SMYD3: variants seen among roughly 807,000 people sequenced by gnomAD.
SMYD3 encodes the protein SET and MYND domain containing 3, also known as histone-lysine N-methyltransferase SMYD3.
Under a neutral mutation model 57.7 loss-of-function variants are expected in SMYD3, and 36 were observed. The ratio of observed to expected loss-of-function variants is 0.62; its 90% CI spans 0.48 to 0.82. SMYD3 has a LOEUF of 0.82. Among genes scored for constraint, SMYD3 ranks in the 40% least tolerant of loss-of-function variants. The pLI is 0.00. For missense variants in SMYD3, 515 were observed against 538.8 expected, an observed-to-expected ratio of 0.96 and a Z score of 0.44; for synonymous variants, 211 against 195.0, an observed-to-expected ratio of 1.08 and a Z score of -0.68.
At chr1:245,969,715 G>C (rs769336940) in intron 5 of SMYD3, among the ~76,000 whole-genome samples, 2 of 152,124 alleles carry the variant, frequency 1.3e-5, no homozygotes, top group Non-Finnish European at 2.9e-5. Context: ...GCATTCCTTC[G>C]TGTTGTTTTG....
intron 5 of SMYD3, among the ~76,000 whole-genome samples, chr1:246,173,038 T>C (rs1406623044): frequency 2.0e-5 from 3 of 150,040 alleles, no homozygotes; most frequent in East Asian, 2.0e-4. Context: ...CTGTAGACTT[T>C]ATCAACACCG....
intron 5 of SMYD3, among the ~76,000 whole-genome samples, chr1:246,239,410 C>G (rs1331021632): frequency 6.6e-6 from 1 of 152,098 alleles, no homozygotes; most frequent in Non-Finnish European, 1.5e-5. Flanking sequence ...ATCCATGTCC[C>G]TACAAAGGAC....
chr1:246,271,763 C>A (rs964641567), intron 5 of SMYD3, among the ~76,000 whole-genome samples: 1 of 152,108 alleles, frequency 6.6e-6, no homozygotes, highest in Non-Finnish European at 1.5e-5. Flanking sequence ...TTCAAGATAA[C>A]TTTAGCTATT....
In SMYD3 at chr1:246,344,866, C is replaced by G. The variant is rs115364473; in HGVS notation, c.229-9392G>C. Reference sequence around the variant, plus strand: ...TTTAATGTATATCTTCTTAAAGTATCTATTCAAATCTTTTACCTGTTTTAC... The same window carrying G: ...TTTAATGTATATCTTCTTAAAGTATGTATTCAAATCTTTTACCTGTTTTAC... On this transcript the variant is annotated intron_variant, in intron 2 of 11. Transcript: ENST00000490107. Among the ~76,000 whole-genome samples the G allele has an allele frequency of 5.8e-3, 882 of 152,196 alleles. 12 individuals are homozygous for G. The highest frequency in any genetic ancestry group is 0.02 in the African/African-American group (820 of 41,530).
chr1:246,475,717 C>CA (rs1039576500), intron 1 of SMYD3, among the ~76,000 whole-genome samples: 16 of 152,010 alleles, frequency 1.1e-4, no homozygotes, highest in Non-Finnish European at 2.1e-4. Flanking sequence ...TAGGCTCAAG[C>CA]AATCCTCCCG....
At chr1:246,337,357 A>C (rs2065558915) in intron 2 of SMYD3, among the ~76,000 whole-genome samples, 1 of 152,234 alleles carries the variant, frequency 6.6e-6, no homozygotes. Context: ...CACCCTTTAG[A>C]GAGTTAGGTT....
At chr1:246,481,039 A>C (rs553266241) in intron 1 of SMYD3, among the ~76,000 whole-genome samples, 21 of 152,240 alleles carry the variant, frequency 1.4e-4, no homozygotes, top group African/African-American at 5.1e-4. Flanking sequence ...GCCTCAAGTG[A>C]TCCGTCCACC....
chr1:246,414,704 G>A (rs2067030808), intron 1 of SMYD3, among the ~76,000 whole-genome samples: 1 of 140,240 alleles, frequency 7.1e-6, no homozygotes, highest in Admixed American at 7.8e-5. Context: ...AGCCAGTTTT[G>A]GTTTTTTTGC....
At chr1:246,231,475 A>G in intron 5 of SMYD3, among the ~76,000 whole-genome samples, 1 of 152,236 alleles carries the variant, frequency 6.6e-6, no homozygotes, top group Admixed American at 6.5e-5. Flanking sequence ...CAGTATTCAG[A>G]AAAGTTTCTA....
In SMYD3 at chr1:245,891,927, C is replaced by T. The variant is rs543869179; in HGVS notation, c.813+23603G>A. Among the ~76,000 whole-genome samples, 193 of 152,220 alleles carry T rather than the reference C, an allele frequency of 1.3e-3. 1 individual carries two copies. The highest frequency in any genetic ancestry group is 4.2e-3 in the African/African-American group (176 of 41,526). On this transcript the variant is annotated intron_variant, in intron 8 of 11. Coordinates refer to ENST00000490107, the MANE Select transcript of SMYD3 (RefSeq NM_001167740.2). ...AGGGCATGGTGGCACACGCCTGTAG[C>T]CCCAGCTACTGAGGAGGCTGACATG...
At position 245,920,871 on chromosome 1, in the gene SMYD3, G is replaced by A. The variant is rs528339309; in HGVS notation, c.703-5231C>T. On this transcript the variant is annotated intron_variant, in intron 7 of 11. Coordinates refer to ENST00000490107, the MANE Select transcript of SMYD3 (RefSeq NM_001167740.2). ...AAACCTAAGAAACACCATTCTGGAC[G>A]TCAGCTTTCGGAAAGAACATATGAC... 1.1e-4 allele frequency among the ~76,000 whole-genome samples: 16 copies of A among 152,276 alleles called. 1 individual carries two copies. The South Asian group carries it at 2.1e-3, about 20-fold the overall frequency.
intron 5 of SMYD3, among the ~76,000 whole-genome samples, chr1:245,970,042 T>TG: frequency 6.6e-6 from 1 of 152,314 alleles, no homozygotes. Flanking sequence ...GGAGGCATCA[T>TG]GCTACCTGAC....
intron 5 of SMYD3, among the ~76,000 whole-genome samples, chr1:246,063,112 T>C (rs1332684114): frequency 6.6e-6 from 1 of 152,140 alleles, no homozygotes; most frequent in Non-Finnish European, 1.5e-5. Context: ...CACACAGTCG[T>C]ACTCACAGCT....
intron 5 of SMYD3, among the ~76,000 whole-genome samples, chr1:246,324,103 C>G (rs949239326): frequency 1.3e-5 from 2 of 152,066 alleles, no homozygotes; most frequent in African/African-American, 4.8e-5. Context: ...TTCCATATGC[C>G]TTTCAATGAA....
intron 8 of SMYD3, among the ~76,000 whole-genome samples, chr1:245,884,057 C>G (rs1056971690): frequency 2.0e-5 from 3 of 152,056 alleles, no homozygotes; most frequent in Non-Finnish European, 4.4e-5. Flanking sequence ...GATTAGGAAG[C>G]TTTTTAGCAA....
intron 10 of SMYD3, among the ~76,000 whole-genome samples, chr1:245,801,377 A>T (rs1269750815): frequency 6.6e-6 from 1 of 152,208 alleles, no homozygotes; most frequent in African/African-American, 2.4e-5. Flanking sequence ...CCTGGAGGGC[A>T]TGGAATCAGG....
intron 10 of SMYD3, among the ~76,000 whole-genome samples, chr1:245,847,255 C>T (rs537053837): frequency 8.5e-5 from 13 of 152,254 alleles, no homozygotes; most frequent in Admixed American, 5.2e-4. Context: ...TTTCAAGGAC[C>T]TCTTACTGCT....
At chr1:245,997,366 T>C (rs758720138) in intron 5 of SMYD3, among the ~76,000 whole-genome samples, 1 of 152,256 alleles carries the variant, frequency 6.6e-6, no homozygotes. Context: ...CTGGAATTCA[T>C]TGAGCATCTA....
At chr1:246,291,526 A>G (rs976887443) in intron 5 of SMYD3, among the ~76,000 whole-genome samples, 1 of 152,240 alleles carries the variant, frequency 6.6e-6, no homozygotes, top group East Asian at 1.9e-4. Context: ...ACATTTTAAA[A>G]TATATTTATT....
Sources: gnomAD v4.1 joint callset for allele counts (sites outside exome capture counted in the v4.1 genomes callset) on GRCh38, gnomAD v4.1.1 for gene constraint, MANE v1.5 for transcripts, NCBI Gene and HGNC (gene_info 2026-07-23, HGNC 2026-07-21) for gene names.